Variants in PHF19 observed in about 807,000 individuals in gnomAD.
PHF19 encodes polycomb like 3.
A neutral mutation model predicts 79.8 loss-of-function variants in PHF19; 21 were observed. The ratio of observed to expected loss-of-function variants is 0.26; its 90% CI spans 0.19 to 0.38. The LOEUF (loss-of-function observed/expected upper bound fraction) is 0.38. Ranked by LOEUF, PHF19 falls within the 10% of genes least tolerant of loss-of-function variation. The pLI, the probability that PHF19 is intolerant of heterozygous loss-of-function variation, is 1.00. For missense variants in PHF19, 445 were observed against 744.2 expected, an observed-to-expected ratio of 0.60 and a Z score of 4.68; for synonymous variants, 273 against 296.3, an observed-to-expected ratio of 0.92 and a Z score of 0.81.
intron 1 of PHF19, among the ~76,000 whole-genome samples, chr9:120,893,130 G>A (rs2046363250): frequency 6.6e-6 from 1 of 152,194 alleles, no homozygotes; most frequent in Non-Finnish European, 1.5e-5. Context: ...TTAATAAGTG[G>A]CAGCTGTGAT....
intron 1 of PHF19, among the ~76,000 whole-genome samples, chr9:120,884,193 A>G (rs1264905991): frequency 2.0e-5 from 3 of 151,772 alleles, no homozygotes; most frequent in Non-Finnish European, 4.4e-5. Flanking sequence ...AGAGATTTTG[A>G]TTGATATGAT....
intron 3 of PHF19, among the ~76,000 whole-genome samples, chr9:120,872,210 C>CT (rs2045924798): frequency 1.3e-5 from 2 of 152,136 alleles, no homozygotes; most frequent in Admixed American, 1.3e-4. Context: ...AAGGTGGTGC[C>CT]CACAGTGCAT....
At position 120,857,746 on chromosome 9, in the gene PHF19, G is replaced by T. The variant is rs1320914353; in HGVS notation, c.*198C>A. The T allele has an allele frequency of 3.8e-6, 2 of 526,120 alleles. No individual in the cohort carries two copies. Among genetic ancestry groups the T allele is most frequent in the East Asian group, 3.1e-5 (1 of 32,540 alleles). The allele number at this position is 526,120 out of a possible 1,614,324, so 32.6% of individuals were successfully genotyped here. ...ACAGGCACAGGGGTAACGAGCCTGA[G>T]GAGGCCCTGGAACAGAGCTGGTACA... On this transcript the variant is annotated 3_prime_UTR_variant, in exon 15 of 15. Coordinates refer to ENST00000373896, the MANE Select transcript of PHF19 (RefSeq NM_015651.3).
chr9:120,868,423 TCAC>T (rs2045770974), intron 6 of PHF19: 1 of 152,298 alleles, frequency 6.6e-6, no homozygotes, highest in Admixed American at 6.5e-5. Flanking sequence ...CTGCTCATAA[TCAC>T]CACATGATGG....
Position 120,869,927 on chromosome 9 carries a change from T to G in PHF19, c.383A>C (p.His128Pro). ...KCGLGYHQQC[H>P]IPIAGSADQP... is the part of the protein sequence containing the mutation. ...GTCAGCACTGCCCGCTATGGGGATG[T>G]GGCACTGCTGGTGGTAACCTACGGC... The change falls in exon 5 of 15, where the codon CAC becomes CCC. Residue 128 changes from histidine (H) to proline (P), a missense_variant. This residue lies in a region of PHF19 where 167 missense variants were observed against 375.8 expected (regional missense o/e 0.44). Coordinates refer to ENST00000373896, the MANE Select transcript of PHF19 (RefSeq NM_015651.3). This position sits in a 1 kb window ranked among gnomAD's most constrained non-coding sequence, Gnocchi z 5.8. 1 of 1,582,846 alleles carries G rather than the reference T, an allele frequency of 6.3e-7. No individual in the cohort carries two copies. The highest frequency in any genetic ancestry group is 1.1e-5 in the South Asian group (1 of 86,964).
At chr9:120,896,608 C>T (rs957889016), upstream of PHF19, among the ~76,000 whole-genome samples, 16 of 151,966 alleles carry the variant, frequency 1.1e-4, no homozygotes, top group East Asian at 5.8e-4. Flanking sequence ...CGCGCCACCA[C>T]GCCCGGCTAA....
intron 1 of PHF19, among the ~76,000 whole-genome samples, chr9:120,882,236 T>G (rs2046197284): frequency 6.6e-6 from 1 of 152,214 alleles, no homozygotes; most frequent in African/African-American, 2.4e-5. Flanking sequence ...TACCTCTCTG[T>G]CCAGGGAGAC....
At position 120,875,466 on chromosome 9, in the gene PHF19, G is replaced by A. The variant is rs564030905; in HGVS notation, c.-15-710C>T. 1.6e-4 allele frequency among the ~76,000 whole-genome samples: 24 copies of A among 152,176 alleles called. No individual in the cohort carries two copies. In the South Asian group the frequency reaches 5.0e-3, roughly 32 times the overall value. Reference sequence around the variant, plus strand: ...CTATTCAACGTGCAGTTCACCCATCGATTTCTCTCTCCCTGCCTGTGGTAC... The same window carrying A: ...CTATTCAACGTGCAGTTCACCCATCAATTTCTCTCTCCCTGCCTGTGGTAC... On this transcript the variant is annotated intron_variant, in intron 1 of 14. Transcript: ENST00000373896.
rs1180521958 is a variant in PHF19, at chr9:120,856,734, A to G, written c.*1210T>C. 6.5e-6 allele frequency: 1 copy of G among 152,674 alleles called. No individual in the cohort carries two copies. Among genetic ancestry groups the G allele is most frequent in the Non-Finnish European group, 1.5e-5 (1 of 68,068 alleles). The allele number at this position is 152,674 out of a possible 1,614,324, so 9.5% of individuals were successfully genotyped here. On this transcript the variant is annotated 3_prime_UTR_variant, in exon 15 of 15. Coordinates refer to ENST00000373896, the MANE Select transcript of PHF19 (RefSeq NM_015651.3). Reference sequence around the variant, plus strand: ...TTAAAAATTTCAACCTATCCCAAAAAGTGATTGTCCATTTCAGGGCAGGGC... The same window carrying G: ...TTAAAAATTTCAACCTATCCCAAAAGGTGATTGTCCATTTCAGGGCAGGGC...
Position 120,859,914 on chromosome 9 carries a change from G to A in PHF19, c.1400+176C>T, listed in dbSNP as rs115180801. ...ATACTTAGGTCCCATCTAAAGCCCC[G>A]TGACTCAGAACCAGAGGGTCCGAGA... is the stretch of plus-strand genomic sequence containing the variant. On this transcript the variant is annotated intron_variant, in intron 14 of 14. Transcript: ENST00000373896. 6.4e-3 allele frequency among the ~76,000 whole-genome samples: 981 copies of A among 152,318 alleles called. 17 individuals are homozygous for A. Among genetic ancestry groups the A allele is most frequent in the African/African-American group, 0.022 (898 of 41,552 alleles).
upstream of PHF19, among the ~76,000 whole-genome samples, chr9:120,898,405 C>T (rs777496810): frequency 1.3e-5 from 2 of 152,272 alleles, no homozygotes; most frequent in African/African-American, 2.4e-5. Flanking sequence ...GCATGAGCCA[C>T]CGCCTCCGGC....
At position 120,860,036 on chromosome 9, in the gene PHF19, G is replaced by T; in HGVS notation, c.1400+54C>A. On this transcript the variant is annotated intron_variant, in intron 14 of 14. Transcript: ENST00000373896. The surrounding 1 kb of genome is among the most constrained non-coding windows in gnomAD (Gnocchi z 4.1). ...TACAGAAGTGGGAGGTGGAGGGGCTGAGAGGAATGATGGTCCTTGCAAAAT... is the reference window on the plus strand; with the variant it reads ...TACAGAAGTGGGAGGTGGAGGGGCTTAGAGGAATGATGGTCCTTGCAAAAT... 1.1e-6 allele frequency: 1 copy of T among 892,930 alleles called. No individual in the cohort carries two copies. Among genetic ancestry groups the T allele is most frequent in the Non-Finnish European group, 1.8e-6 (1 of 544,984 alleles). The allele number at this position is 892,930 out of a possible 1,614,324, so 55.3% of individuals were successfully genotyped here. A position where few individuals can be genotyped will look rare whatever the true frequency, so the allele number is the denominator to read the frequency against.
chr9:120,894,331 A>G (rs1253795616), intron 1 of PHF19, among the ~76,000 whole-genome samples: 2 of 152,218 alleles, frequency 1.3e-5, no homozygotes, highest in Non-Finnish European at 2.9e-5. Flanking sequence ...GGTCAGGGAA[A>G]GCTGATCTGA....
the PHF19 span, among the ~76,000 whole-genome samples, chr9:120,901,952 GC>G: frequency 6.6e-6 from 1 of 152,194 alleles, no homozygotes; most frequent in Admixed American, 6.5e-5. Flanking sequence ...ACCTCCGGGG[GC>G]AAGGCAGAAG....
intron 1 of PHF19, 104 bp downstream of exon 1, chr9:120,876,987 G>A (rs1002280809): frequency 7.1e-6 from 7 of 985,210 alleles, no homozygotes; most frequent in Non-Finnish European, 8.4e-6. Flanking sequence ...TCACCCCCCG[G>A]AGGCGTTCGG....
chr9:120,897,929 A>C (rs1003757909), upstream of PHF19, among the ~76,000 whole-genome samples: 5 of 144,056 alleles, frequency 3.5e-5, no homozygotes, highest in Non-Finnish European at 6.0e-5. Context: ...CAGTGAGCTG[A>C]GGTCGCATCA....
Position 120,869,492 on chromosome 9 carries a change from C to A in PHF19, c.466-162G>T. 1 of 1,342,898 alleles carries A rather than the reference C, an allele frequency of 7.4e-7. No individual in the cohort carries two copies. Among genetic ancestry groups the A allele is most frequent in the Non-Finnish European group, 9.9e-7 (1 of 1,010,870 alleles). The allele number at this position is 1,342,898 out of a possible 1,614,324, so 83.2% of individuals were successfully genotyped here. ...GAGCTTTTTCTCATTAATTCCAAAC[C>A]CATCCCCTCTATCCCAGAAGGAACT... On this transcript the variant is annotated intron_variant, in intron 5 of 14. Coordinates refer to ENST00000373896, the MANE Select transcript of PHF19 (RefSeq NM_015651.3). This position sits in a 1 kb window ranked among gnomAD's most constrained non-coding sequence, Gnocchi z 5.8.
upstream of PHF19, among the ~76,000 whole-genome samples, chr9:120,881,210 C>A (rs1440602104): frequency 6.7e-6 from 1 of 148,272 alleles, no homozygotes; most frequent in Admixed American, 6.7e-5. Context: ...TGCAGTGGCG[C>A]GATCTCGGCT....
chr9:120,873,914 G>A (rs904580718), intron 3 of PHF19, 65 bp downstream of exon 3: 5 of 801,212 alleles, frequency 6.2e-6, no homozygotes. Flanking sequence ...AGGAAGAAAT[G>A]AAGGCAGCAG....
Sources: gnomAD v4.1 joint callset for allele counts (sites outside exome capture counted in the v4.1 genomes callset) on GRCh38, gnomAD v4.1.1 for gene constraint, gnomAD v4.1.1 regional missense constraint, Gnocchi (gnomAD v3.1) non-coding constraint, MANE v1.5 for transcripts, NCBI Gene and HGNC (gene_info 2026-07-23, HGNC 2026-07-21) for gene names.